ZEB1: variants seen among roughly 807,000 people sequenced by gnomAD.
ZEB1 encodes zinc finger E-box-binding homeobox 1.
ZEB1 carries 21 observed loss-of-function variants against 84.9 expected under a neutral mutation model. The ratio of observed to expected loss-of-function variants is 0.25; its 90% CI spans 0.18 to 0.36. ZEB1 has a LOEUF of 0.36. Ranked by LOEUF, ZEB1 falls within the 10% of genes least tolerant of loss-of-function variation. ZEB1 has a pLI of 1.00. For missense variants in ZEB1, 1,104 were observed against 1,330.2 expected (o/e 0.83, Z 2.65); for synonymous variants, 420 against 471.1 (o/e 0.89, Z 1.41).
chr10:31,449,308 T>C (rs1050065072), intron 1 of ZEB1, among the ~76,000 whole-genome samples: 4 of 152,268 alleles, frequency 2.6e-5, no homozygotes, highest in Non-Finnish European at 5.9e-5. Context: ...CTGCGCCTAC[T>C]GTCTGGCACT....
chr10:31,521,904 C>T lies in ZEB1; in HGVS notation c.2572C>T (p.Pro858Ser). The change falls in exon 7 of 9, where the codon CCC becomes TCC. Residue 858 changes from proline to serine, a missense_variant. Physicochemically the swap from Pro to Ser is moderately conservative, Grantham distance 74. This residue lies in a region of ZEB1 where 531 missense variants were observed against 575.2 expected (regional missense o/e 0.92). Coordinates refer to ENST00000424869, the MANE Select transcript of ZEB1 (RefSeq NM_001174096.2). ...GGTCAGCCCTGCAGTCCAAGAACCA[C>T]CCTTGAAAGTGATCCAGCCAAATGG... The part of the protein sequence containing the change: ...TTVSPAVQEP[P>S]LKVIQPNGNQ... The T allele has an allele frequency of 6.2e-7, 1 of 1,614,036 alleles. No homozygotes were observed. The highest frequency in any genetic ancestry group is 8.5e-7 in the Non-Finnish European group (1 of 1,179,982).
rs3086583 is a variant in ZEB1 at position 31,527,412 on chromosome 10, AACACAC to A, written c.*184_*189del. 0.056 allele frequency: 28,906 copies of A among 514,738 alleles called. 712 individuals carry two copies. The highest frequency in any genetic ancestry group is 0.16 in the African/African-American group (8,050 of 49,492). The allele number at this position is 514,738 out of a possible 1,614,324, so 31.9% of individuals were successfully genotyped here. On this transcript the variant is annotated 3_prime_UTR_variant, in exon 9 of 9. Coordinates refer to ENST00000424869, the MANE Select transcript of ZEB1 (RefSeq NM_001174096.2). ...AAAACTAAAAAAATACAAAATACAA[AACACAC>A]ACACACACACACACACACACACACA...
chr10:31,353,078 AC>A (rs1215169316), intron 1 of ZEB1, among the ~76,000 whole-genome samples: 1 of 152,216 alleles, frequency 6.6e-6, no homozygotes, highest in Non-Finnish European at 1.5e-5. Context: ...CACTAGGGTC[AC>A]TTAAGAGCTA....
chr10:31,338,974 G>A (rs1302771883), intron 1 of ZEB1, among the ~76,000 whole-genome samples: 1 of 152,128 alleles, frequency 6.6e-6, no homozygotes, highest in East Asian at 1.9e-4. Flanking sequence ...GTAAAATAGA[G>A]TTAGACTGTC....
chr10:31,393,633 G>T (rs2050187818), intron 1 of ZEB1, among the ~76,000 whole-genome samples: 1 of 152,004 alleles, frequency 6.6e-6, no homozygotes, highest in African/African-American at 2.4e-5. Flanking sequence ...TAGGTTCCTG[G>T]TTTTCGTGAC....
In ZEB1 at chr10:31,519,991, A is replaced by G. The variant is rs1388795494; in HGVS notation, c.794-135A>G. The G allele has an allele frequency of 2.5e-6, 3 of 1,188,744 alleles. No homozygotes were observed. The East Asian group carries it at 7.7e-5, about 30-fold the overall frequency. 73.6% of individuals were successfully genotyped at this position (1,188,744 alleles called of 1,614,324 possible). ...GTTTTGAAGCTAAAAAGTTTATTCT[A>G]AATACAGTTCTGTCACAAGCATGCA... On this transcript the variant is annotated intron_variant, in intron 6 of 8. Transcript: ENST00000424869.
intron 1 of ZEB1, among the ~76,000 whole-genome samples, chr10:31,422,868 A>G (rs543816685): frequency 1.3e-5 from 2 of 151,710 alleles, no homozygotes; most frequent in African/African-American, 2.4e-5. Context: ...TCCAATCTTT[A>G]TGTCTATGTG....
chr10:31,451,249 A>T (rs1023997910), intron 1 of ZEB1, among the ~76,000 whole-genome samples: 1 of 152,224 alleles, frequency 6.6e-6, no homozygotes, highest in Admixed American at 6.5e-5. Flanking sequence ...ATATTTAAAA[A>T]GTAAGTTTCC....
intron 1 of ZEB1, among the ~76,000 whole-genome samples, chr10:31,431,995 G>A (rs896562714): frequency 6.6e-6 from 1 of 152,090 alleles, no homozygotes; most frequent in African/African-American, 2.4e-5. Flanking sequence ...AATATCATGT[G>A]TATGTGGATA....
chr10:31,526,213 T>C (rs1200312403), intron 8 of ZEB1, among the ~76,000 whole-genome samples: 1 of 152,168 alleles, frequency 6.6e-6, no homozygotes, highest in African/African-American at 2.4e-5. Context: ...ATATAAAAAG[T>C]GTATAGTAAA....
At chr10:31,442,567 T>TAA (rs61471490) in intron 1 of ZEB1, among the ~76,000 whole-genome samples, 1 of 142,390 alleles carries the variant, frequency 7.0e-6, no homozygotes. Context: ...ATAATAATAA[T>TAA]AAAAAAAAAA....
At chr10:31,514,531 T>C in intron 5 of ZEB1, 72 bp from the exon 6 acceptor site, 2 of 1,363,176 alleles carry the variant, frequency 1.5e-6, no homozygotes, top group Non-Finnish European at 2.1e-6. Context: ...AATGTCACTC[T>C]TAGTAGATTG....
At chr10:31,464,277 C>A (rs551253668) in intron 2 of ZEB1, among the ~76,000 whole-genome samples, 1 of 151,802 alleles carries the variant, frequency 6.6e-6, no homozygotes, top group Admixed American at 6.6e-5. Flanking sequence ...GGCGTGAACC[C>A]GGGAGGCAGA....
chr10:31,390,375 GC>G (rs1362933949), intron 1 of ZEB1, among the ~76,000 whole-genome samples: 11 of 152,076 alleles, frequency 7.2e-5, no homozygotes, highest in Non-Finnish European at 1.6e-4. Flanking sequence ...GATATCTCTA[GC>G]CCATTTCTTC....
intron 1 of ZEB1, chr10:31,321,932 G>T (rs2034181321): frequency 8.6e-6 from 2 of 233,264 alleles, no homozygotes; most frequent in Non-Finnish European, 1.7e-5. Context: ...CTCAAGGGAG[G>T]GATTTATTTA....
intron 1 of ZEB1, among the ~76,000 whole-genome samples, chr10:31,329,688 C>G (rs1055816361): frequency 7.9e-5 from 12 of 152,096 alleles, no homozygotes; most frequent in Admixed American, 2.0e-4. Context: ...TATGAGAGTT[C>G]TGGTTGTTCC....
At chr10:31,460,987 G>A (rs1381309722) in intron 1 of ZEB1, 50 bp from the exon 2 acceptor site, 7 of 1,442,322 alleles carry the variant, frequency 4.9e-6, no homozygotes, top group Non-Finnish European at 6.8e-6. Context: ...TGTAAAAACT[G>A]ATTGTTTTAC....
At chr10:31,495,883 G>A (rs771077839) in intron 3 of ZEB1, 45 bp downstream of exon 3, 30 of 1,604,206 alleles carry the variant, frequency 1.9e-5, no homozygotes, top group Non-Finnish European at 2.6e-5. Context: ...TTTAAAAGAA[G>A]GTCTTTGTGT....
rs143370284 is a variant in ZEB1, at chr10:31,523,999, A to C, written c.2671A>C (p.Thr891Pro). The change falls in exon 8 of 9, where the codon ACA becomes CCA. Residue 891 changes from threonine (T) to proline (P), a missense_variant. Thr to Pro is a conservative substitution (Grantham distance 38). Coordinates refer to ENST00000424869, the MANE Select transcript of ZEB1 (RefSeq NM_001174096.2). Reference sequence around the variant, plus strand: ...AGAGGATCAGAATGACTCTGATTCTACACCGCCCAAAAAGAAAATGCGGAA... The same window carrying C: ...AGAGGATCAGAATGACTCTGATTCTCCACCGCCCAAAAAGAAAATGCGGAA... ...NVEDQNDSDS[T>P]PPKKKMRKTE... is the part of the protein sequence containing the mutation. 183 of 1,614,014 alleles carry C rather than the reference A, an allele frequency of 1.1e-4. No homozygotes were observed. Among genetic ancestry groups the C allele is most frequent in the Middle Eastern group, 6.6e-4 (4 of 6,056 alleles).
Sources: gnomAD v4.1 joint callset for allele counts (sites outside exome capture counted in the v4.1 genomes callset) on GRCh38, gnomAD v4.1.1 for gene constraint, gnomAD v4.1.1 regional missense constraint, MANE v1.5 for transcripts, NCBI Gene and HGNC (gene_info 2026-07-23, HGNC 2026-07-21) for gene names.